Variants in SIPA1L3 observed in about 807,000 individuals in gnomAD.
The protein encoded by SIPA1L3 is signal induced proliferation associated 1 like 3.
In SIPA1L3, 59 loss-of-function variants were observed where a neutral mutation model predicts 150.1. The ratio of observed to expected loss-of-function variants is 0.39; its 90% confidence interval spans 0.32 to 0.49. The LOEUF (loss-of-function observed/expected upper bound fraction) is 0.49. Among genes scored for constraint, SIPA1L3 ranks in the 20% least tolerant of loss-of-function variants. The pLI is 0.86. For missense variants in SIPA1L3, 2,211 were observed against 2,489.5 expected, an observed-to-expected ratio of 0.89 and a Z score of 2.38; for synonymous variants, 1,070 against 1,077.6, an observed-to-expected ratio of 0.99 and a Z score of 0.14.
chr19:38,040,351 C>T (rs1277161976), intron 2 of SIPA1L3, among the ~76,000 whole-genome samples: 2 of 141,960 alleles, frequency 1.4e-5, no homozygotes, highest in African/African-American at 2.6e-5. Context: ...GAAGCCATTC[C>T]TCTACCATTA....
chr19:38,108,311 C>T (rs1019405019), intron 7 of SIPA1L3, among the ~76,000 whole-genome samples: 1 of 152,162 alleles, frequency 6.6e-6, no homozygotes, highest in African/African-American at 2.4e-5. Context: ...AATCCAGGCT[C>T]TTTCCCTCCA....
intron 8 of SIPA1L3, among the ~76,000 whole-genome samples, chr19:38,113,994 G>A (rs914348058): frequency 1.3e-5 from 2 of 152,164 alleles, no homozygotes; most frequent in African/African-American, 4.8e-5. Flanking sequence ...CTGCTGGGAA[G>A]TAAGGGACCA....
At chr19:38,062,862 C>T (rs939925056) in intron 2 of SIPA1L3, among the ~76,000 whole-genome samples, 4 of 152,138 alleles carry the variant, frequency 2.6e-5, no homozygotes, top group Non-Finnish European at 5.9e-5. Context: ...CTCAGGTGAT[C>T]CGCCTGCCGT....
chr19:38,020,176 A>G (rs921333165), intron 1 of SIPA1L3, among the ~76,000 whole-genome samples: 34 of 152,246 alleles, frequency 2.2e-4, no homozygotes, highest in Admixed American at 1.8e-3. Context: ...GTTCTAAACA[A>G]TTTTTGTGGA....
chr19:38,121,042 A>G (rs1053241857), intron 9 of SIPA1L3, among the ~76,000 whole-genome samples: 5 of 152,218 alleles, frequency 3.3e-5, no homozygotes, highest in African/African-American at 4.8e-5. Context: ...AAAAGCAGGT[A>G]CAAGAATCAT....
intron 20 of SIPA1L3, 98 bp from the exon 21 acceptor site, chr19:38,204,029 A>G (rs1371397270): frequency 7.7e-6 from 7 of 911,784 alleles, no homozygotes; most frequent in Non-Finnish European, 1.2e-5. Flanking sequence ...AATGTCAGGG[A>G]TAAGGGGGCC....
chr19:38,014,588 T>G (rs1338997423), intron 1 of SIPA1L3, among the ~76,000 whole-genome samples: 2 of 149,296 alleles, frequency 1.3e-5, no homozygotes, highest in Non-Finnish European at 3.0e-5. Flanking sequence ...GGTCTTGCTC[T>G]GTTGCCTAGG....
chr19:38,142,196 G>T (rs967133904), intron 11 of SIPA1L3, among the ~76,000 whole-genome samples: 2 of 152,108 alleles, frequency 1.3e-5, no homozygotes, highest in Admixed American at 6.6e-5. Context: ...CTCTTTTGAA[G>T]ATATTATATA....
chr19:38,110,139 G>A, intron 7 of SIPA1L3, 88 bp from the exon 8 acceptor site: 3 of 1,310,200 alleles, frequency 2.3e-6, no homozygotes, highest in South Asian at 1.3e-5. Context: ...AATGGGGGTG[G>A]GTGGGGGGAG....
rs1455973429 is a variant in SIPA1L3 at position 38,164,211 on chromosome 19, T to C, written c.3781-268T>C. ...TCTTAGATTCGCTGAGTCTGAGATGTGGGAAGCATGTTCTGTGCCTGATGT... is the reference window on the plus strand; with the variant it reads ...TCTTAGATTCGCTGAGTCTGAGATGCGGGAAGCATGTTCTGTGCCTGATGT... On this transcript the variant is annotated intron_variant, in intron 14 of 21. Transcript: ENST00000222345. The surrounding 1 kb of genome is among the most constrained non-coding windows in gnomAD (Gnocchi z 4.1). Among the ~76,000 whole-genome samples, 3 of 152,134 alleles carry C rather than the reference T, an allele frequency of 2.0e-5. No homozygotes were observed. Among genetic ancestry groups the C allele is most frequent in the Admixed American group, 6.5e-5 (1 of 15,276 alleles).
chr19:38,053,519 T>C (rs1969246279), intron 2 of SIPA1L3, among the ~76,000 whole-genome samples: 1 of 152,046 alleles, frequency 6.6e-6, no homozygotes, highest in South Asian at 2.1e-4. Flanking sequence ...GCTCTACATA[T>C]TAACTCATTT....
intron 1 of SIPA1L3, among the ~76,000 whole-genome samples, chr19:37,995,845 C>G (rs1282641253): frequency 6.6e-6 from 1 of 152,238 alleles, no homozygotes; most frequent in East Asian, 1.9e-4. Context: ...TGGCTTCGCT[C>G]TGCCAGCAGG....
Position 38,106,565 on chromosome 19 carries a change from C to T in SIPA1L3, c.2058C>T (p.Tyr686=). Residue 686 remains tyrosine, a synonymous_variant, in exon 7 of 22, where the codon TAC becomes TAT. Coordinates refer to ENST00000222345, the MANE Select transcript of SIPA1L3 (RefSeq NM_015073.3). ...ACTCCACGGGAACCCACTCCCTCTA[C>T]ACGATGTACCAGGACTACGAGATCA... ...KTDSTGTHSL[Y]TMYQDYEIMF... The T allele has an allele frequency of 6.2e-7, 1 of 1,613,906 alleles. No individual in the cohort carries two copies. Among genetic ancestry groups the T allele is most frequent in the Non-Finnish European group, 8.5e-7 (1 of 1,179,748 alleles).
intron 2 of SIPA1L3, among the ~76,000 whole-genome samples, chr19:38,042,287 G>A (rs552890714): frequency 6.6e-6 from 1 of 152,144 alleles, no homozygotes; most frequent in South Asian, 2.1e-4. Flanking sequence ...ACTTATGTTT[G>A]GATTTATTTC....
chr19:38,099,059 TGA>T (rs1475664957), intron 4 of SIPA1L3, among the ~76,000 whole-genome samples: 1 of 151,958 alleles, frequency 6.6e-6, no homozygotes, highest in African/African-American at 2.4e-5. Flanking sequence ...TTTCTCAGAC[TGA>T]GTGTTGCTCT....
At chr19:38,183,145 G>A (rs1240261144) in intron 16 of SIPA1L3, among the ~76,000 whole-genome samples, 1 of 152,118 alleles carries the variant, frequency 6.6e-6, no homozygotes, top group Non-Finnish European at 1.5e-5. Context: ...AGGGAGGGAT[G>A]GGGACAGACC....
chr19:38,103,694 T>C (rs1044738364), intron 6 of SIPA1L3, among the ~76,000 whole-genome samples: 2 of 148,796 alleles, frequency 1.3e-5, no homozygotes, highest in Non-Finnish European at 1.5e-5. Flanking sequence ...GAGGCCAAGG[T>C]GGGCGGATCA....
intron 1 of SIPA1L3, among the ~76,000 whole-genome samples, chr19:37,958,476 G>T (rs529778175): frequency 1.3e-5 from 2 of 152,032 alleles, no homozygotes; most frequent in South Asian, 4.2e-4. Flanking sequence ...AAAGAATGAA[G>T]TTGGACCCTT....
chr19:38,139,982 C>T (rs191873336), intron 10 of SIPA1L3, among the ~76,000 whole-genome samples: 67 of 152,362 alleles, frequency 4.4e-4, no homozygotes, highest in Non-Finnish European at 4.1e-4. Context: ...CACTAGTCCC[C>T]ACCTCCCAAC....
Sources: gnomAD v4.1 joint callset for allele counts (sites outside exome capture counted in the v4.1 genomes callset) on GRCh38, gnomAD v4.1.1 for gene constraint, Gnocchi (gnomAD v3.1) non-coding constraint, MANE v1.5 for transcripts, NCBI Gene and HGNC (gene_info 2026-07-23, HGNC 2026-07-21) for gene names.